UBE3A: variants seen among roughly 807,000 people sequenced by gnomAD.
UBE3A encodes ubiquitin-protein ligase E3A.
Under a neutral mutation model 83.4 loss-of-function variants are expected in UBE3A, and 6 were observed. That is an observed-to-expected ratio of 0.07 (90% CI 0.04 to 0.14). UBE3A has a LOEUF of 0.14. UBE3A is among the 10% of genes least tolerant of loss of function. UBE3A has a pLI of 1.00. For synonymous variants in UBE3A, 337 were observed against 355.4 expected (o/e 0.95, Z 0.58); for missense variants, 456 against 1,036.1 (o/e 0.44, Z 7.69).
intron 1 of UBE3A, among the ~76,000 whole-genome samples, chr15:25,419,710 A>G (rs538680728): frequency 3.9e-5 from 6 of 152,290 alleles, no homozygotes; most frequent in South Asian, 4.1e-4. Context: ...TGTGGAATCT[A>G]TAACACATAT....
chr15:25,359,954 T>C (rs2077798364), intron 7 of UBE3A, among the ~76,000 whole-genome samples: 1 of 152,180 alleles, frequency 6.6e-6, no homozygotes, highest in South Asian at 2.1e-4. Flanking sequence ...TGATATCAGC[T>C]AGTGTTTCTG....
At chr15:25,359,570 T>C (rs1282206693) in intron 7 of UBE3A, among the ~76,000 whole-genome samples, 1 of 151,996 alleles carries the variant, frequency 6.6e-6, no homozygotes, top group East Asian at 1.9e-4. Context: ...TGCACACTCC[T>C]CACAATTCTG....
At chr15:25,419,696 C>T (rs907968746) in intron 1 of UBE3A, among the ~76,000 whole-genome samples, 1 of 152,022 alleles carries the variant, frequency 6.6e-6, no homozygotes, top group Non-Finnish European at 1.5e-5. Context: ...GTTTCAAACG[C>T]TGCTGTGGAA....
At chr15:25,349,656 T>TA (rs2076212576) in intron 11 of UBE3A, among the ~76,000 whole-genome samples, 1 of 152,232 alleles carries the variant, frequency 6.6e-6, no homozygotes, top group Non-Finnish European at 1.5e-5. Context: ...TACTCATTTT[T>TA]ACCATAGATT....
chr15:25,411,823 C>T (rs987720019), intron 2 of UBE3A, 85 bp downstream of exon 2: 1 of 152,032 alleles, frequency 6.6e-6, no homozygotes. Context: ...TGGCAGGGGC[C>T]CAAATTTGCT....
At chr15:25,367,918 A>G (rs1249511907) in intron 6 of UBE3A, among the ~76,000 whole-genome samples, 2 of 152,052 alleles carry the variant, frequency 1.3e-5, no homozygotes, top group Non-Finnish European at 2.9e-5. Context: ...TGAAGTCACT[A>G]TTTTCTGGGC....
At chr15:25,367,258 T>TAAATATGTAAATATTTAC (rs1566942071) in intron 6 of UBE3A, among the ~76,000 whole-genome samples, 8 of 73,574 alleles carry the variant, frequency 1.1e-4, no homozygotes, top group Non-Finnish European at 2.0e-4. Flanking sequence ...TGCATATTTG[T>TAAATATGTAAATATTTAC]AAATATGTAA....
chr15:25,363,098 T>C (rs2078394508), intron 6 of UBE3A, among the ~76,000 whole-genome samples: 1 of 152,158 alleles, frequency 6.6e-6, no homozygotes, highest in South Asian at 2.1e-4. Context: ...CTGAAGCAAA[T>C]TTATCTTTAT....
At chr15:25,368,332 A>G (rs1376436062) in intron 6 of UBE3A, among the ~76,000 whole-genome samples, 1 of 152,100 alleles carries the variant, frequency 6.6e-6, no homozygotes, top group African/African-American at 2.4e-5. Flanking sequence ...AATTTTACTT[A>G]TAAGACCTAT....
intron 1 of UBE3A, among the ~76,000 whole-genome samples, chr15:25,431,032 T>A (rs1395732036): frequency 6.6e-6 from 1 of 152,210 alleles, no homozygotes; most frequent in Non-Finnish European, 1.5e-5. Flanking sequence ...GCAGAAATCT[T>A]GATTTATGTG....
chr15:25,357,889 C>T (rs2077446675), intron 7 of UBE3A, among the ~76,000 whole-genome samples: 1 of 149,618 alleles, frequency 6.7e-6, no homozygotes, highest in Admixed American at 6.6e-5. Context: ...TATGCAAGCC[C>T]CAATCATGGA....
intron 4 of UBE3A, among the ~76,000 whole-genome samples, chr15:25,381,275 A>T (rs562714670): frequency 1.3e-5 from 2 of 152,268 alleles, no homozygotes; most frequent in African/African-American, 4.8e-5. Flanking sequence ...TTAGTTCACT[A>T]AAAAAATGAA....
Position 25,360,384 on chromosome 15 carries a change from A to T in UBE3A, c.1752T>A (p.Ile584=). The change falls in exon 7 of 13, where the codon ATT becomes ATA. Residue 584 remains isoleucine (I), a splice_region_variant and synonymous_variant. Coordinates refer to ENST00000648336, the MANE Select transcript of UBE3A (RefSeq NM_130839.5). ...LVVEEIFNPD[I]GMFTYDESTK... ...TAATCACATTACTAATGTATTTACCAATATCTGGATTGAAGATTTCCTCCA... is the reference window on the plus strand; with the variant it reads ...TAATCACATTACTAATGTATTTACCTATATCTGGATTGAAGATTTCCTCCA... 1 of 1,613,716 alleles carries T rather than the reference A, an allele frequency of 6.2e-7. No homozygotes were observed. The highest frequency in any genetic ancestry group is 2.2e-5 in the East Asian group (1 of 44,798).
intron 4 of UBE3A, 37 bp from the exon 5 acceptor site, chr15:25,375,800 G>C: frequency 1.2e-6 from 2 of 1,601,418 alleles, no homozygotes; most frequent in Non-Finnish European, 1.7e-6. Flanking sequence ...ACAGTGATTA[G>C]TACAGCTCTC....
At chr15:25,401,759 ATC>A (rs1260752244) in intron 4 of UBE3A, among the ~76,000 whole-genome samples, 3 of 151,966 alleles carry the variant, frequency 2.0e-5, no homozygotes, top group African/African-American at 7.2e-5. Context: ...ATCTTGAGTC[ATC>A]TCTTTTTTCC....
At chr15:25,360,358 A>G (rs2077872963) in intron 7 of UBE3A, 25 bp downstream of exon 7, 1 of 1,613,090 alleles carries the variant, frequency 6.2e-7, no homozygotes, top group South Asian at 1.1e-5. Context: ...ATACGACACC[A>G]TAATCACATT....
chr15:25,415,534 C>T (rs2090734454), intron 1 of UBE3A, among the ~76,000 whole-genome samples: 1 of 152,104 alleles, frequency 6.6e-6, no homozygotes, highest in Non-Finnish European at 1.5e-5. Flanking sequence ...CATTACTAAC[C>T]TCTATCCCCC....
rs1411395231 is a variant in UBE3A, at chr15:25,333,913, TA to T, written c.*5223del. The T allele has an allele frequency of 6.6e-6, 1 of 151,210 alleles. No individual in the cohort carries two copies. Among genetic ancestry groups the T allele is most frequent in the Non-Finnish European group, 1.5e-5 (1 of 67,836 alleles). 9.4% of individuals were successfully genotyped at this position (151,210 alleles called of 1,614,324 possible). ...AGCCCCTCCTTTTTTTTTTTTTGATTAAAAAACACTCAGTAAACTAGGTTTA... is the reference window on the plus strand; with the variant it reads ...AGCCCCTCCTTTTTTTTTTTTTGATTAAAAACACTCAGTAAACTAGGTTTA... On this transcript the variant is annotated 3_prime_UTR_variant, in exon 13 of 13. Transcript: ENST00000648336.
At chr15:25,361,591 ATT>A (rs1169843368) in intron 6 of UBE3A, among the ~76,000 whole-genome samples, 2 of 152,196 alleles carry the variant, frequency 1.3e-5, no homozygotes, top group African/African-American at 4.8e-5. Context: ...TTTATACTGC[ATT>A]TTGTTTGTTT....
Sources: allele counts gnomAD v4.1 joint callset (sites outside exome capture counted in the v4.1 genomes callset), GRCh38; gene constraint gnomAD v4.1.1; transcripts MANE v1.5; gene names NCBI Gene and HGNC (gene_info 2026-07-23, HGNC 2026-07-21).